The following IL22RA2 variants were observed in gnomAD, a reference collection of about 807,000 sequenced individuals.
IL22RA2 encodes interleukin 22 receptor subunit alpha 2, also known as interleukin-22 receptor subunit alpha-2.
In IL22RA2, 39 loss-of-function variants were observed where a neutral mutation model predicts 30.7. The ratio of observed to expected loss-of-function variants is 1.27; its 90% CI spans 0.98 to 1.66. IL22RA2 has a LOEUF of 1.66. Among genes scored for constraint, IL22RA2 ranks in the 40% most tolerant of loss-of-function variants. IL22RA2 has a pLI of 0.00. For missense variants in IL22RA2, 315 were observed against 312.7 expected (o/e 1.01, Z -0.05); for synonymous variants, 103 against 105.0 (o/e 0.98, Z 0.11).
chr6:137,153,763 T>C (rs976385304), intron 5 of IL22RA2, among the ~76,000 whole-genome samples: 2 of 152,138 alleles, frequency 1.3e-5, no homozygotes, highest in African/African-American at 4.8e-5. Context: ...CTGGTGTGCC[T>C]CTTAGAGCTT....
intron 1 of IL22RA2, among the ~76,000 whole-genome samples, chr6:137,165,543 A>T (rs1778609385): frequency 6.6e-6 from 1 of 152,054 alleles, no homozygotes; most frequent in African/African-American, 2.4e-5. Flanking sequence ...TTGTGAGAGG[A>T]TGTGGTCGTG....
chr6:137,158,263 C>A, intron 3 of IL22RA2, 84 bp downstream of exon 3: 7 of 1,523,720 alleles, frequency 4.6e-6, no homozygotes, highest in Non-Finnish European at 6.3e-6. Context: ...TGAAAAAAAG[C>A]TCGGATCCTA....
chr6:137,156,780 G>T lies in IL22RA2; in HGVS notation c.272C>A (p.Pro91Gln), dbSNP rs770262819. 2 of 1,613,848 alleles carry T rather than the reference G, an allele frequency of 1.2e-6. No individual in the cohort carries two copies. The highest frequency in any genetic ancestry group is 1.7e-6 in the Non-Finnish European group (2 of 1,179,774). Residue 91 changes from proline to glutamine, a missense_variant, in exon 4 of 7, where the codon CCA becomes CAA. Coordinates refer to ENST00000296980, the MANE Select transcript of IL22RA2 (RefSeq NM_052962.3). ...GCWQHISCNF[P>Q]GCRTLAKYGQ... ...GTACTTAGCCAATGTTCTGCAGCCT[G>T]GGAAGTTACAAGAAATGTGCTGCCA...
rs371712309 is a variant in IL22RA2 at position 137,167,204 on chromosome 6, G to C, written c.-65-5390C>G. ...AAAAATCAAATGAAAACTGCATACAGCTTATCACCCATAGAGTTCTGGAAA... is the reference window on the plus strand; with the variant it reads ...AAAAATCAAATGAAAACTGCATACACCTTATCACCCATAGAGTTCTGGAAA... On this transcript the variant is annotated intron_variant, in intron 1 of 6. Transcript: ENST00000296980. Among the ~76,000 whole-genome samples, 43 of 152,310 alleles carry C rather than the reference G, an allele frequency of 2.8e-4. 3 individuals carry two copies. The highest frequency in any genetic ancestry group is 1.0e-3 in the Admixed American group (16 of 15,290).
chr6:137,152,662 G>A (rs1037264088), intron 5 of IL22RA2, among the ~76,000 whole-genome samples: 6 of 152,194 alleles, frequency 3.9e-5, no homozygotes, highest in Admixed American at 3.3e-4. Flanking sequence ...TGTGAATATA[G>A]TAAAAACCAT....
At chr6:137,150,894 G>A (rs1024288213) in intron 5 of IL22RA2, among the ~76,000 whole-genome samples, 2 of 152,136 alleles carry the variant, frequency 1.3e-5, no homozygotes, top group Admixed American at 6.5e-5. Context: ...AGAGAGTTGG[G>A]GGAAAATGCA....
At chr6:137,165,129 C>G (rs1370963253) in intron 1 of IL22RA2, among the ~76,000 whole-genome samples, 1 of 152,150 alleles carries the variant, frequency 6.6e-6, no homozygotes, top group Non-Finnish European at 1.5e-5. Flanking sequence ...TAACCAGGCT[C>G]AAGGGCTACA....
Position 137,155,080 on chromosome 6 carries a change from C to G in IL22RA2, c.333G>C (p.Trp111Cys), listed in dbSNP as rs559364030. 2.2e-4 allele frequency: 345 copies of G among 1,601,862 alleles called. 2 individuals carry two copies. In the South Asian group the frequency reaches 3.7e-3, roughly 17 times the overall value. ...GGTCACAAGAGAGTTCTTGAGTACC[C>G]CAACAGTCTTCTTTATTTTTCCATT... ...QRQWKNKEDC[W>C]GTQELSCDLT... is the part of the protein sequence containing the mutation. The change falls in exon 5 of 7, where the codon TGG becomes TGC. Residue 111 changes from tryptophan to cysteine, a missense_variant. Trp to Cys is a radical substitution (Grantham distance 215, BLOSUM62 -2). Coordinates refer to ENST00000296980, the MANE Select transcript of IL22RA2 (RefSeq NM_052962.3).
Position 137,145,922 on chromosome 6 carries a change from C to G in IL22RA2, c.643-149G>C, listed in dbSNP as rs1287918537. 8.4e-6 allele frequency: 7 copies of G among 834,376 alleles called. No homozygotes were observed. The East Asian group carries it at 1.6e-4, about 19-fold the overall frequency. 51.7% of individuals were successfully genotyped at this position (834,376 alleles called of 1,614,324 possible). A position where few individuals can be genotyped will look rare whatever the true frequency, so the allele number is the denominator to read the frequency against. The stretch of plus-strand genomic sequence containing the variant: ...AGACACATCCTTCTTTTCTAGAGTC[C>G]TAGGCCATAGCCTGGTAAAGGGACA... On this transcript the variant is annotated intron_variant, in intron 6 of 6. Coordinates refer to ENST00000296980, the MANE Select transcript of IL22RA2 (RefSeq NM_052962.3).
rs140770713 is a variant in IL22RA2 at position 137,154,933 on chromosome 6, G to C, written c.472+8C>G. The C allele has an allele frequency of 7.4e-6, 12 of 1,613,482 alleles. No individual in the cohort carries two copies. Among genetic ancestry groups the C allele is most frequent in the African/African-American group, 1.3e-5 (1 of 75,024 alleles). On this transcript the variant is annotated splice_region_variant and intron_variant, in intron 5 of 6. Coordinates refer to ENST00000296980, the MANE Select transcript of IL22RA2 (RefSeq NM_052962.3). ...AGAACAAGGGCAAAGAAACTCCATG[G>C]AACTCACTTTCCCACCAGGGAGTGA... is the stretch of plus-strand genomic sequence containing the variant.
chr6:137,170,325 G>T (rs1284159550), intron 1 of IL22RA2, among the ~76,000 whole-genome samples: 2 of 152,138 alleles, frequency 1.3e-5, no homozygotes, highest in Non-Finnish European at 2.9e-5. Context: ...TCCTTTTAAA[G>T]TTCCTGCAAA....
At chr6:137,146,190 C>T (rs1003476720) in intron 6 of IL22RA2, among the ~76,000 whole-genome samples, 3 of 152,064 alleles carry the variant, frequency 2.0e-5, no homozygotes, top group Non-Finnish European at 4.4e-5. Context: ...TACCACCACG[C>T]CTGGCTAATT....
intron 3 of IL22RA2, among the ~76,000 whole-genome samples, chr6:137,157,442 G>C (rs201109663): frequency 1.3e-5 from 2 of 150,130 alleles, no homozygotes; most frequent in East Asian, 1.9e-4. Context: ...GAGAGAAGTC[G>C]TAGCGGTTAA....
intron 5 of IL22RA2, among the ~76,000 whole-genome samples, chr6:137,149,871 C>T (rs891911334): frequency 2.6e-5 from 4 of 152,128 alleles, no homozygotes; most frequent in Admixed American, 6.6e-5. Flanking sequence ...AGGGCCTTTG[C>T]AAATGCTGGT....
intron 1 of IL22RA2, among the ~76,000 whole-genome samples, chr6:137,170,153 A>T (rs1778702687): frequency 6.6e-6 from 1 of 152,210 alleles, no homozygotes; most frequent in Non-Finnish European, 1.5e-5. Flanking sequence ...CAAAAGTACC[A>T]ACTGGTATCC....
chr6:137,169,694 G>T (rs531818551), intron 1 of IL22RA2, among the ~76,000 whole-genome samples: 2 of 152,338 alleles, frequency 1.3e-5, no homozygotes, highest in South Asian at 2.1e-4. Flanking sequence ...TCATAAGGTT[G>T]CAAGCAGTTC....
intron 1 of IL22RA2, among the ~76,000 whole-genome samples, chr6:137,163,517 C>A (rs938788896): frequency 1.3e-5 from 2 of 152,120 alleles, no homozygotes; most frequent in Non-Finnish European, 2.9e-5. Context: ...CGTTCTGGAG[C>A]CTTCCTCCAA....
Position 137,144,397 on chromosome 6 carries a change from T to C in IL22RA2, c.*1227A>G, listed in dbSNP as rs904455139. 1 of 152,240 alleles carries C rather than the reference T, an allele frequency of 6.6e-6. No homozygotes were observed. Among genetic ancestry groups the C allele is most frequent in the African/African-American group, 2.4e-5 (1 of 41,454 alleles). 9.4% of individuals were successfully genotyped at this position (152,240 alleles called of 1,614,324 possible). A position where few individuals can be genotyped will look rare whatever the true frequency, so the allele number is the denominator to read the frequency against. Reference sequence around the variant, plus strand: ...GCACCGACTATATTGTTATCAACTTTGGAGCAATTTTCATGGGGAATTGTA... The same window carrying C: ...GCACCGACTATATTGTTATCAACTTCGGAGCAATTTTCATGGGGAATTGTA... On this transcript the variant is annotated 3_prime_UTR_variant, in exon 7 of 7. Transcript: ENST00000296980.
intron 1 of IL22RA2, among the ~76,000 whole-genome samples, chr6:137,172,272 TCAAA>T (rs1345702259): frequency 1.3e-5 from 2 of 152,176 alleles, no homozygotes; most frequent in Admixed American, 6.5e-5. Flanking sequence ...GCTGACTTTG[TCAAA>T]CAAATGAGGG....
Sources: gnomAD v4.1 joint callset for allele counts (sites outside exome capture counted in the v4.1 genomes callset) on GRCh38, gnomAD v4.1.1 for gene constraint, MANE v1.5 for transcripts, NCBI Gene and HGNC (gene_info 2026-07-23, HGNC 2026-07-21) for gene names.